The following ADGRD1 variants were observed in gnomAD, a reference collection of about 807,000 sequenced individuals.
ADGRD1 encodes the protein G-protein coupled receptor 133.
Under a neutral mutation model 113.4 loss-of-function variants are expected in ADGRD1, and 77 were observed. That is an observed-to-expected ratio of 0.68 (90% CI 0.57 to 0.82). The LOEUF (loss-of-function observed/expected upper bound fraction) is 0.82. Ranked by LOEUF, ADGRD1 falls within the 40% of genes least tolerant of loss-of-function variation. The pLI, the probability that ADGRD1 is intolerant of heterozygous loss-of-function variation, is 0.00. For synonymous variants in ADGRD1, 474 were observed against 475.0 expected, an observed-to-expected ratio of 1.00 and a Z score of 0.03; for missense variants, 1,036 against 1,139.1, an observed-to-expected ratio of 0.91 and a Z score of 1.30.
chr12:131,062,428 A>G (rs1378496035), intron 13 of ADGRD1, among the ~76,000 whole-genome samples: 1 of 152,234 alleles, frequency 6.6e-6, no homozygotes, highest in African/African-American at 2.4e-5. Context: ...TTTCTGTGAG[A>G]CAAATGCCCA....
At position 131,120,733 on chromosome 12, in the gene ADGRD1, C is replaced by T. The variant is rs1950572402; in HGVS notation, c.2109-114C>T. 4 of 938,740 alleles carry T rather than the reference C, an allele frequency of 4.3e-6. No individual in the cohort carries two copies. In the South Asian group the frequency reaches 5.2e-5, roughly 12 times the overall value. 58.2% of individuals were successfully genotyped at this position (938,740 alleles called of 1,614,324 possible). On this transcript the variant is annotated intron_variant, in intron 19 of 24. Coordinates refer to ENST00000261654, the MANE Select transcript of ADGRD1 (RefSeq NM_198827.5). The stretch of plus-strand genomic sequence containing the variant: ...GGGATTAGGAATGTTGTATGACTGC[C>T]CCAGGTGGACCCTGTAGCTGAGAAA...
chr12:131,055,327 T>G (rs1026420110), intron 13 of ADGRD1, among the ~76,000 whole-genome samples: 1 of 152,062 alleles, frequency 6.6e-6, no homozygotes, highest in African/African-American at 2.4e-5. Flanking sequence ...GTCTGGTTGA[T>G]TCAGTTGATT....
Position 131,041,756 on chromosome 12 carries a change from CT to C in ADGRD1, c.1473+27417del, listed in dbSNP as rs983939293. 6.6e-6 allele frequency among the ~76,000 whole-genome samples: 1 copy of C among 152,212 alleles called. No homozygotes were observed. The highest frequency in any genetic ancestry group is 2.4e-5 in the African/African-American group (1 of 41,452). Reference sequence around the variant, plus strand: ...TGCACGCTGTTGCCGCAGCCTCCCCCTGCCTGGCGCCTCTGCCTGCACCCGC... The same window carrying C: ...TGCACGCTGTTGCCGCAGCCTCCCCCGCCTGGCGCCTCTGCCTGCACCCGC... On this transcript the variant is annotated intron_variant, in intron 13 of 24. Coordinates refer to ENST00000261654, the MANE Select transcript of ADGRD1 (RefSeq NM_198827.5). This position sits in a 1 kb window ranked among gnomAD's most constrained non-coding sequence, Gnocchi z 4.4.
At chr12:131,065,745 A>G (rs1373948165) in intron 13 of ADGRD1, among the ~76,000 whole-genome samples, 1 of 151,530 alleles carries the variant, frequency 6.6e-6, no homozygotes, top group African/African-American at 2.4e-5. Context: ...CATGAAGGAG[A>G]GGGGGTATTT....
chr12:131,136,232 G>C, intron 22 of ADGRD1, 69 bp downstream of exon 22: 1 of 1,574,598 alleles, frequency 6.4e-7, no homozygotes, highest in African/African-American at 1.3e-5. Flanking sequence ...CAGGGAGCTA[G>C]GGCTGCAGGG....
chr12:131,024,816 G>A (rs914865092), intron 13 of ADGRD1: 6 of 152,292 alleles, frequency 3.9e-5, no homozygotes, highest in Non-Finnish European at 8.8e-5. Context: ...TCCCAGACAC[G>A]AGAAGGGAGC....
At chr12:131,036,127 G>A (rs923465402) in intron 13 of ADGRD1, among the ~76,000 whole-genome samples, 2 of 152,192 alleles carry the variant, frequency 1.3e-5, no homozygotes, top group African/African-American at 2.4e-5. Flanking sequence ...GGGGACAGCA[G>A]GGTTCAGCCT....
At chr12:131,079,188 T>C (rs1459798715) in intron 14 of ADGRD1, among the ~76,000 whole-genome samples, 1 of 152,230 alleles carries the variant, frequency 6.6e-6, no homozygotes, top group African/African-American at 2.4e-5. Context: ...TATATCAACA[T>C]CTTGTTTTCA....
At chr12:131,059,365 G>A (rs531742145) in intron 13 of ADGRD1, among the ~76,000 whole-genome samples, 27 of 152,198 alleles carry the variant, frequency 1.8e-4, no homozygotes, top group Non-Finnish European at 2.9e-4. Context: ...ATTTTTAGTA[G>A]AGATGGGGTT....
At chr12:131,016,631 G>T (rs34471505) in intron 13 of ADGRD1, among the ~76,000 whole-genome samples, 2 of 152,248 alleles carry the variant, frequency 1.3e-5, no homozygotes, top group Non-Finnish European at 2.9e-5. Flanking sequence ...CAGTGGCTCA[G>T]CCTGTAATCC....
intron 13 of ADGRD1, among the ~76,000 whole-genome samples, chr12:131,032,175 TCTAC>T (rs1880843075): frequency 8.3e-6 from 1 of 121,172 alleles, no homozygotes; most frequent in Non-Finnish European, 2.1e-5. Context: ...TCCCCCAGGC[TCTAC>T]TGAAGCCCTC....
intron 13 of ADGRD1, chr12:131,024,649 C>A (rs1879739476): frequency 6.6e-6 from 1 of 152,236 alleles, no homozygotes; most frequent in Non-Finnish European, 1.5e-5. Flanking sequence ...CTCCATACAG[C>A]CAGGTGTGTG....
At chr12:131,035,302 C>T (rs575356019) in intron 13 of ADGRD1, 2 of 152,508 alleles carry the variant, frequency 1.3e-5, no homozygotes, top group African/African-American at 4.8e-5. Flanking sequence ...CTGTAGAGTG[C>T]ACAATTGCCT....
At chr12:130,961,340 A>C (rs1447060252) in intron 2 of ADGRD1, among the ~76,000 whole-genome samples, 4 of 152,144 alleles carry the variant, frequency 2.6e-5, no homozygotes, top group Non-Finnish European at 5.9e-5. Flanking sequence ...ATGGATGATA[A>C]ATTATTTCTG....
At chr12:131,118,266 C>G (rs7961434) in intron 18 of ADGRD1, 119 bp from the exon 19 acceptor site, 1 of 701,384 alleles carries the variant, frequency 1.4e-6, no homozygotes, top group African/African-American at 1.8e-5. Context: ...CATAGTTCCC[C>G]CTCTGTATAC....
chr12:131,139,122 C>T lies in ADGRD1; in HGVS notation c.2530-46C>T, dbSNP rs747145968. 29 of 1,473,972 alleles carry T rather than the reference C, an allele frequency of 2.0e-5. No homozygotes were observed. The East Asian group carries it at 6.0e-4, about 30-fold the overall frequency. 91.3% of individuals were successfully genotyped at this position (1,473,972 alleles called of 1,614,324 possible). On this transcript the variant is annotated intron_variant, in intron 24 of 24. Coordinates refer to ENST00000261654, the MANE Select transcript of ADGRD1 (RefSeq NM_198827.5). ...CGCACTCACTGGGCTTATGGCTCTC[C>T]CCCTGGGAGCAGGCCCTTCACTGCT...
intron 14 of ADGRD1, among the ~76,000 whole-genome samples, chr12:131,080,574 C>T (rs1885987852): frequency 6.6e-6 from 1 of 152,072 alleles, no homozygotes; most frequent in Admixed American, 6.6e-5. Context: ...AGTGTGAATT[C>T]TCCAATTTTA....
intron 13 of ADGRD1, chr12:131,024,184 G>C (rs1440965001): frequency 1.3e-5 from 2 of 152,328 alleles, no homozygotes; most frequent in East Asian, 1.9e-4. Context: ...AGAGCGGCCT[G>C]GGGGGAGTTG....
At chr12:131,076,110 G>A (rs1443204409) in intron 13 of ADGRD1, among the ~76,000 whole-genome samples, 2 of 152,160 alleles carry the variant, frequency 1.3e-5, no homozygotes, top group African/African-American at 4.8e-5. Context: ...GCCAGTCTCC[G>A]GAACAAGGTG....
Sources: allele counts gnomAD v4.1 joint callset (sites outside exome capture counted in the v4.1 genomes callset), GRCh38; gene constraint gnomAD v4.1.1; non-coding constraint Gnocchi (gnomAD v3.1); transcripts MANE v1.5; gene names NCBI Gene and HGNC (gene_info 2026-07-23, HGNC 2026-07-21).